Variants in FAM135A observed in about 807,000 individuals in gnomAD.
The protein encoded by FAM135A is family with sequence similarity 135 member A.
FAM135A carries 79 observed loss-of-function variants against 146.8 expected under a neutral mutation model. The ratio of observed to expected loss-of-function variants is 0.54; its 90% CI spans 0.45 to 0.65. The LOEUF is 0.65. FAM135A is among the 30% of genes least tolerant of loss of function. The probability of loss-of-function intolerance (pLI) is 0.00; values close to 1 mark genes in which losing one functional copy is unlikely to be tolerated. For missense variants in FAM135A, 1,623 were observed against 1,758.2 expected (o/e 0.92, Z 1.38); for synonymous variants, 562 against 603.6 (o/e 0.93, Z 1.01).
At chr6:70,486,241 C>T in intron 10 of FAM135A, 3 of 1,613,518 alleles carry the variant, frequency 1.9e-6, no homozygotes, top group Non-Finnish European at 2.5e-6. Flanking sequence ...AGACAACCAT[C>T]TAGGTACGTT....
chr6:70,497,164 C>G (rs1787472926), intron 11 of FAM135A, among the ~76,000 whole-genome samples: 1 of 152,162 alleles, frequency 6.6e-6, no homozygotes, highest in Admixed American at 6.5e-5. Context: ...TTTGTGTCCT[C>G]TCTTATTTCC....
At chr6:70,435,624 A>G (rs1772929652) in intron 4 of FAM135A, among the ~76,000 whole-genome samples, 1 of 151,052 alleles carries the variant, frequency 6.6e-6, no homozygotes, top group South Asian at 2.1e-4. Flanking sequence ...GGATCAAGCA[A>G]TTCTCCTGCC....
At chr6:70,448,274 C>T (rs189204353) in intron 4 of FAM135A, among the ~76,000 whole-genome samples, 93 of 152,224 alleles carry the variant, frequency 6.1e-4, no homozygotes, top group Non-Finnish European at 9.7e-4. Flanking sequence ...CCTCCTTTGC[C>T]GCTTTAGCTG....
chr6:70,458,026 A>G (rs1220519218), intron 5 of FAM135A, among the ~76,000 whole-genome samples: 1 of 152,182 alleles, frequency 6.6e-6, no homozygotes, highest in Non-Finnish European at 1.5e-5. Context: ...AAAAATAAAT[A>G]GTTTGTGGCA....
At chr6:70,471,757 C>CA in intron 5 of FAM135A, among the ~76,000 whole-genome samples, 1 of 152,092 alleles carries the variant, frequency 6.6e-6, no homozygotes, top group East Asian at 1.9e-4. Context: ...ATTCAAATTA[C>CA]AGATGGATTG....
In FAM135A at chr6:70,517,281, A is replaced by T. The variant is rs116094258; in HGVS notation, c.1030-5232A>T. Among the ~76,000 whole-genome samples the T allele has an allele frequency of 3.8e-3, 583 of 152,254 alleles. 6 individuals carry two copies. Among genetic ancestry groups the T allele is most frequent in the African/African-American group, 0.011 (473 of 41,548 alleles). ...GATGGTGGCTTATGCCAATAATGCT[A>T]ACATTTTGGGAGGCTGAGGTGAGTG... On this transcript the variant is annotated intron_variant, in intron 12 of 21. Coordinates refer to ENST00000418814, the MANE Select transcript of FAM135A (RefSeq NM_001162529.3).
chr6:70,446,253 C>T (rs1775713778), intron 4 of FAM135A, among the ~76,000 whole-genome samples: 1 of 152,104 alleles, frequency 6.6e-6, no homozygotes, highest in Non-Finnish European at 1.5e-5. Flanking sequence ...TCCACAAATC[C>T]TTATGTTTAG....
chr6:70,428,684 A>T (rs931453989), intron 4 of FAM135A, among the ~76,000 whole-genome samples: 1 of 152,166 alleles, frequency 6.6e-6, no homozygotes, highest in Non-Finnish European at 1.5e-5. Context: ...TATAAGGTCT[A>T]ATTTTTGCTC....
intron 16 of FAM135A, among the ~76,000 whole-genome samples, chr6:70,529,770 T>C (rs1795436494): frequency 1.3e-5 from 2 of 151,898 alleles, no homozygotes; most frequent in Admixed American, 6.6e-5. Flanking sequence ...CTGACATAAA[T>C]ATACTTAATG....
chr6:70,517,252 G>A (rs1341371126), intron 12 of FAM135A, among the ~76,000 whole-genome samples: 1 of 152,012 alleles, frequency 6.6e-6, no homozygotes, highest in African/African-American at 2.4e-5. Context: ...CTATCCAGGT[G>A]GGGGATGGTG....
chr6:70,549,248 CT>C (rs1799389325), intron 20 of FAM135A, among the ~76,000 whole-genome samples: 1 of 151,956 alleles, frequency 6.6e-6, no homozygotes, highest in African/African-American at 2.4e-5. Context: ...CATAAATGTC[CT>C]TTGCTAGGGA....
At position 70,525,165 on chromosome 6, in the gene FAM135A, C is replaced by A. The variant is rs2128352424; in HGVS notation, c.2081C>A (p.Pro694His). Reference protein sequence around the residue: ...QEEILVDNLLPNFESLESNGK... With the variant: ...QEEILVDNLLHNFESLESNGK... The stretch of plus-strand genomic sequence containing the variant: ...GAAATACTTGTGGATAATTTACTAC[C>A]CAACTTTGAGTCCTTAGAATCTAAT... The change falls in exon 15 of 22, where the codon CCC (proline) becomes CAC (histidine). Residue 694 changes from proline (P) to histidine (H), a missense_variant. Transcript: ENST00000418814. 2 of 1,584,696 alleles carry A rather than the reference C, an allele frequency of 1.3e-6. No homozygotes were observed. Among genetic ancestry groups the A allele is most frequent in the South Asian group, 1.2e-5 (1 of 84,870 alleles).
chr6:70,523,921 G>A (rs934782353), intron 13 of FAM135A, 46 bp from the exon 14 acceptor site: 2 of 1,572,356 alleles, frequency 1.3e-6, no homozygotes, highest in East Asian at 2.3e-5. Context: ...GGGGAGTTGG[G>A]TATAATTTTT....
At chr6:70,486,401 G>A (rs1387823327) in intron 10 of FAM135A, among the ~76,000 whole-genome samples, 1 of 152,138 alleles carries the variant, frequency 6.6e-6, no homozygotes, top group Admixed American at 6.5e-5. Flanking sequence ...TTGGTTTGTA[G>A]ATAAATTTTG....
At chr6:70,541,320 C>A (rs919939701) in intron 20 of FAM135A, among the ~76,000 whole-genome samples, 1 of 152,156 alleles carries the variant, frequency 6.6e-6, no homozygotes, top group Admixed American at 6.5e-5. Context: ...ATTACTCCCC[C>A]CTTTTTTTCA....
chr6:70,486,061 C>G lies in FAM135A; in HGVS notation c.823+3907C>G. The G allele has an allele frequency of 4.1e-6, 3 of 736,458 alleles. No individual in the cohort carries two copies. The South Asian group carries it at 6.8e-5, about 17-fold the overall frequency. The allele number at this position is 736,458 out of a possible 1,614,324, so 45.6% of individuals were successfully genotyped here. ...TTGATAAGCTAATTAACTAACTGCA[C>G]TATCAGATCAACACTAAGTCTATTA... On this transcript the variant is annotated intron_variant, in intron 10 of 21. Coordinates refer to ENST00000418814, the MANE Select transcript of FAM135A (RefSeq NM_001162529.3).
chr6:70,427,901 G>T (rs867572393), intron 3 of FAM135A, among the ~76,000 whole-genome samples: 4 of 152,088 alleles, frequency 2.6e-5, no homozygotes, highest in African/African-American at 9.7e-5. Context: ...ATTGAAGAGT[G>T]TTAATTTTTT....
chr6:70,460,890 C>T (rs1444913047), intron 5 of FAM135A, among the ~76,000 whole-genome samples: 1 of 144,138 alleles, frequency 6.9e-6, no homozygotes, highest in Non-Finnish European at 1.5e-5. Context: ...ATGGTGGGAT[C>T]TCGGCTCACT....
intron 12 of FAM135A, among the ~76,000 whole-genome samples, chr6:70,506,287 A>C (rs1398472150): frequency 6.6e-6 from 1 of 152,174 alleles, no homozygotes; most frequent in African/African-American, 2.4e-5. Context: ...CCAATAACTC[A>C]GGCAAAGTTT....
Sources: allele counts gnomAD v4.1 joint callset (sites outside exome capture counted in the v4.1 genomes callset), GRCh38; gene constraint gnomAD v4.1.1; transcripts MANE v1.5; gene names NCBI Gene and HGNC (gene_info 2026-07-23, HGNC 2026-07-21).